WDR70: variants seen among roughly 807,000 people sequenced by gnomAD.
The protein encoded by WDR70 is WD repeat-containing protein 70.
A neutral mutation model predicts 88.6 loss-of-function variants in WDR70; 53 were observed. That is an observed-to-expected ratio of 0.60 (90% confidence interval 0.48 to 0.75). The LOEUF (loss-of-function observed/expected upper bound fraction) is 0.75. WDR70 is among the 30% of genes least tolerant of loss of function. WDR70 has a pLI of 0.00. For missense variants in WDR70, 610 were observed against 823.2 expected (o/e 0.74, Z 3.17); for synonymous variants, 280 against 270.0 (o/e 1.04, Z -0.36).
intron 17 of WDR70, among the ~76,000 whole-genome samples, chr5:37,736,422 C>CCA (rs879435027): frequency 1.3e-5 from 2 of 152,068 alleles, no homozygotes; most frequent in Non-Finnish European, 2.9e-5. Flanking sequence ...TTTAAAGAAG[C>CCA]CACTCTGTGA....
intron 5 of WDR70, among the ~76,000 whole-genome samples, chr5:37,427,182 G>C (rs1198215283): frequency 1.3e-5 from 2 of 152,106 alleles, no homozygotes; most frequent in South Asian, 2.1e-4. Context: ...GAGGTCAGGA[G>C]ATCGAGACCA....
At chr5:37,748,651 A>G (rs532905886) in intron 17 of WDR70, among the ~76,000 whole-genome samples, 1 of 151,998 alleles carries the variant, frequency 6.6e-6, no homozygotes, top group Non-Finnish European at 1.5e-5. Context: ...CTGCACAGCA[A>G]AAGAAACTAT....
intron 8 of WDR70, chr5:37,506,373 C>T: frequency 1.2e-6 from 1 of 803,784 alleles, no homozygotes; most frequent in Non-Finnish European, 2.2e-6. Flanking sequence ...TAAATTAATG[C>T]CATCATTTAC....
At chr5:37,472,416 A>G (rs1473043829) in intron 7 of WDR70, among the ~76,000 whole-genome samples, 4 of 152,064 alleles carry the variant, frequency 2.6e-5, no homozygotes, top group Non-Finnish European at 5.9e-5. Context: ...ACTCAATAAA[A>G]TGTTTATGAC....
chr5:37,587,871 C>G (rs901134459), intron 9 of WDR70, among the ~76,000 whole-genome samples: 2 of 151,300 alleles, frequency 1.3e-5, no homozygotes, highest in Non-Finnish European at 2.9e-5. Context: ...CCTCCACCTC[C>G]CGGGTTCAAG....
intron 7 of WDR70, among the ~76,000 whole-genome samples, chr5:37,452,783 A>T (rs1738714889): frequency 6.6e-6 from 1 of 152,222 alleles, no homozygotes; most frequent in Admixed American, 6.5e-5. Flanking sequence ...TGGAATAGCA[A>T]ACATCAGAAT....
intron 3 of WDR70, among the ~76,000 whole-genome samples, chr5:37,388,924 G>C (rs1200318189): frequency 6.6e-6 from 1 of 151,934 alleles, no homozygotes; most frequent in Non-Finnish European, 1.5e-5. Flanking sequence ...GGAAATGGCA[G>C]CTGAGTAGGC....
intron 11 of WDR70, 125 bp from the exon 12 acceptor site, chr5:37,700,933 C>T: frequency 1.7e-6 from 1 of 585,720 alleles, no homozygotes; most frequent in Non-Finnish European, 3.0e-6. Flanking sequence ...TTCTCTCTTT[C>T]TCCCCTTCCC....
intron 13 of WDR70, among the ~76,000 whole-genome samples, chr5:37,704,346 C>T (rs1277823976): frequency 6.6e-6 from 1 of 152,186 alleles, no homozygotes; most frequent in Non-Finnish European, 1.5e-5. Flanking sequence ...AATGACTATA[C>T]ATTTCAGTAT....
Position 37,697,652 on chromosome 5 carries a change from T to A in WDR70, c.1093-3T>A, listed in dbSNP as rs1747020055. On this transcript the variant is annotated splice_polypyrimidine_tract_variant and splice_region_variant and intron_variant, in intron 10 of 17. Transcript: ENST00000265107. ...TTAACACTTTGTTTGTCTTTGTGAATAGGTTCATCCTAAGTTCCACTATAA... is the reference window on the plus strand; with the variant it reads ...TTAACACTTTGTTTGTCTTTGTGAAAAGGTTCATCCTAAGTTCCACTATAA... 6.2e-6 allele frequency: 10 copies of A among 1,613,182 alleles called. No homozygotes were observed. Among genetic ancestry groups the A allele is most frequent in the Non-Finnish European group, 6.8e-6 (8 of 1,179,238 alleles).
Position 37,428,825 on chromosome 5 carries a change from CTG to C in WDR70, c.493-9095_493-9094del, listed in dbSNP as rs141590477. ...TGTATATTTATAAGAAACTAGCAAA[CTG>C]TTTTTTAGAGTGATTATTACCATTT... On this transcript the variant is annotated intron_variant, in intron 5 of 17. Coordinates refer to ENST00000265107, the MANE Select transcript of WDR70 (RefSeq NM_018034.4). Among the ~76,000 whole-genome samples the C allele has an allele frequency of 2.2e-3, 342 of 152,302 alleles. 8 individuals are homozygous for C. In the East Asian group the frequency reaches 0.056, roughly 25 times the overall value.
At chr5:37,652,672 A>T (rs942974389) in intron 10 of WDR70, among the ~76,000 whole-genome samples, 1 of 152,064 alleles carries the variant, frequency 6.6e-6, no homozygotes. Flanking sequence ...TGTAAGTTGG[A>T]TTCCTAGGTA....
chr5:37,418,541 T>C (rs1295573779), intron 5 of WDR70, among the ~76,000 whole-genome samples: 1 of 152,064 alleles, frequency 6.6e-6, no homozygotes, highest in Non-Finnish European at 1.5e-5. Context: ...AGGATGGTAA[T>C]CTCCTTTTCT....
chr5:37,577,391 A>T (rs1213024476), intron 9 of WDR70, among the ~76,000 whole-genome samples: 1 of 152,172 alleles, frequency 6.6e-6, no homozygotes, highest in Non-Finnish European at 1.5e-5. Context: ...CTGAGGTGGG[A>T]GGATTGCTTG....
intron 10 of WDR70, among the ~76,000 whole-genome samples, chr5:37,668,894 C>G (rs1237155782): frequency 6.6e-6 from 1 of 152,190 alleles, no homozygotes; most frequent in Non-Finnish European, 1.5e-5. Flanking sequence ...TTTCTGAAAT[C>G]CCAGTGGTTG....
rs1180489282 is a variant in WDR70, at chr5:37,735,856, G to A, written c.1877+8811G>A. Among the ~76,000 whole-genome samples the A allele has an allele frequency of 2.6e-5, 4 of 152,190 alleles. No individual in the cohort carries two copies. In the East Asian group the frequency reaches 5.8e-4, roughly 22 times the overall value. On this transcript the variant is annotated intron_variant, in intron 17 of 17. Coordinates refer to ENST00000265107, the MANE Select transcript of WDR70 (RefSeq NM_018034.4). ...CCATATCTCGCTTTATCACAGAAAA[G>A]CACAATTAGACATTCCACAAATGTG...
intron 9 of WDR70, among the ~76,000 whole-genome samples, chr5:37,599,179 C>A (rs1743790319): frequency 6.6e-6 from 1 of 152,100 alleles, no homozygotes; most frequent in Non-Finnish European, 1.5e-5. Context: ...TTAAAAAATG[C>A]CCAAATATTA....
At chr5:37,550,223 G>T (rs558981780) in intron 9 of WDR70, among the ~76,000 whole-genome samples, 1 of 152,118 alleles carries the variant, frequency 6.6e-6, no homozygotes, top group Non-Finnish European at 1.5e-5. Context: ...ATGATCATAC[G>T]GTTTTAGTCC....
chr5:37,678,518 TG>T (rs1159220434), intron 10 of WDR70, among the ~76,000 whole-genome samples: 3 of 152,190 alleles, frequency 2.0e-5, no homozygotes, highest in Non-Finnish European at 2.9e-5. Flanking sequence ...TATGAAATTC[TG>T]GGTTGAAAAT....
Sources: gnomAD v4.1 joint callset for allele counts (sites outside exome capture counted in the v4.1 genomes callset) on GRCh38, gnomAD v4.1.1 for gene constraint, MANE v1.5 for transcripts, NCBI Gene and HGNC (gene_info 2026-07-23, HGNC 2026-07-21) for gene names.